Variants in CNKSR3 observed in about 807,000 individuals in gnomAD.
CNKSR3 encodes the protein connector enhancer of kinase suppressor of ras 3.
CNKSR3 carries 36 observed loss-of-function variants against 67.7 expected under a neutral mutation model. The observed-to-expected ratio is 0.53, with a 90% CI of 0.41 to 0.70. The LOEUF (loss-of-function observed/expected upper bound fraction) is 0.70, where lower values mean the gene tolerates loss of function less well. Ranked by LOEUF, CNKSR3 falls within the 30% of genes least tolerant of loss-of-function variation. The pLI is 0.00. For missense variants in CNKSR3, 630 were observed against 695.2 expected (o/e 0.91, Z 1.05); for synonymous variants, 281 against 271.4 (o/e 1.04, Z -0.35).
At position 154,403,422 on chromosome 6, in the gene CNKSR3, A is replaced by AAC. The variant is rs1784737708; in HGVS notation, c.*2931_*2932insGT. On this transcript the variant is annotated 3_prime_UTR_variant, in exon 13 of 13. Coordinates refer to ENST00000607772, the MANE Select transcript of CNKSR3 (RefSeq NM_173515.4). ...GAATCTGTCTCAGAAAAAAAAAAAA[A>AAC]TTTTTTTTAAAGAAATAAAAATAAA... The AAC allele has an allele frequency of 6.7e-6, 1 of 150,060 alleles. No individual in the cohort carries two copies. Among genetic ancestry groups the AAC allele is most frequent in the East Asian group, 2.0e-4 (1 of 5,120 alleles). 9.3% of individuals were successfully genotyped at this position (150,060 alleles called of 1,614,324 possible).
At chr6:154,489,048 G>GA (rs1333693221) in intron 1 of CNKSR3, among the ~76,000 whole-genome samples, 1 of 151,894 alleles carries the variant, frequency 6.6e-6, no homozygotes, top group African/African-American at 2.4e-5. Flanking sequence ...TGGGTTTTGA[G>GA]TTTTTTTTCA....
chr6:154,451,351 G>C lies in CNKSR3; in HGVS notation c.53-1093C>G, dbSNP rs558862080. Among the ~76,000 whole-genome samples the C allele has an allele frequency of 6.6e-5, 10 of 152,304 alleles. No homozygotes were observed. The East Asian group carries it at 1.9e-3, about 29-fold the overall frequency. On this transcript the variant is annotated intron_variant, in intron 1 of 12. Coordinates refer to ENST00000607772, the MANE Select transcript of CNKSR3 (RefSeq NM_173515.4). ...TAAAAGTCACCTTAGTGTTTTAAAA[G>C]ACTTAGTGATTTAAAAGTGTTTTAA...
chr6:154,395,375 C>A lies in CNKSR3; in HGVS notation c.*10979G>T, dbSNP rs750964486. 6.6e-6 allele frequency: 1 copy of A among 152,176 alleles called. No homozygotes were observed. The highest frequency in any genetic ancestry group is 1.5e-5 in the Non-Finnish European group (1 of 68,030). 9.4% of individuals were successfully genotyped at this position (152,176 alleles called of 1,614,324 possible). Reference sequence around the variant, plus strand: ...TCCATTGCTGTTTACAAAGGAGACTCTGTATTTAACCACCCAGGATCTCTT... The same window carrying A: ...TCCATTGCTGTTTACAAAGGAGACTATGTATTTAACCACCCAGGATCTCTT... On this transcript the variant is annotated 3_prime_UTR_variant, in exon 13 of 13. Transcript: ENST00000607772.
At chr6:154,433,755 C>T in intron 4 of CNKSR3, 1 of 389,054 alleles carries the variant, frequency 2.6e-6, no homozygotes, top group Non-Finnish European at 4.6e-6. Flanking sequence ...CCCACTTGGC[C>T]AATTACTTAA....
chr6:154,456,000 AAAAAAACAAAC>A (rs1246282118), intron 1 of CNKSR3, among the ~76,000 whole-genome samples: 2 of 152,152 alleles, frequency 1.3e-5, no homozygotes, highest in African/African-American at 4.8e-5. Context: ...CCCAATGCAA[AAAAAAACAAAC>A]AAAAAACAAA....
intron 8 of CNKSR3, 112 bp downstream of exon 8, chr6:154,422,803 A>C (rs896415415): frequency 8.6e-7 from 1 of 1,158,764 alleles, no homozygotes; most frequent in Non-Finnish European, 1.3e-6. Context: ...GCACAACCTA[A>C]AATAATGAAA....
chr6:154,389,210 T>C lies in CNKSR3; in HGVS notation c.*17144A>G, dbSNP rs925248266. ...TTCGCCTATGTTTTCTTCTAGGAGTTTTACAGCTTCAGATTTTATGTTTAA... is the reference window on the plus strand; with the variant it reads ...TTCGCCTATGTTTTCTTCTAGGAGTCTTACAGCTTCAGATTTTATGTTTAA... On this transcript the variant is annotated 3_prime_UTR_variant, in exon 13 of 13. Transcript: ENST00000607772. 6.6e-6 allele frequency: 1 copy of C among 152,190 alleles called. No homozygotes were observed. The highest frequency in any genetic ancestry group is 2.4e-5 in the African/African-American group (1 of 41,452). 9.4% of individuals were successfully genotyped at this position (152,190 alleles called of 1,614,324 possible). A position where few individuals can be genotyped will look rare whatever the true frequency, so the allele number is the denominator to read the frequency against.
At chr6:154,416,446 A>T (rs1354469985) in intron 9 of CNKSR3, among the ~76,000 whole-genome samples, 1 of 152,240 alleles carries the variant, frequency 6.6e-6, no homozygotes, top group East Asian at 1.9e-4. Context: ...ATTTCGGACC[A>T]TATCTGAAAA....
chr6:154,453,532 C>G (rs750011175), intron 1 of CNKSR3, among the ~76,000 whole-genome samples: 1 of 152,162 alleles, frequency 6.6e-6, no homozygotes. Context: ...AGAAAAATCA[C>G]GTTACTGCCC....
intron 1 of CNKSR3, among the ~76,000 whole-genome samples, chr6:154,484,102 G>A (rs574904218): frequency 6.6e-6 from 1 of 152,258 alleles, no homozygotes; most frequent in East Asian, 1.9e-4. Context: ...TCTAGGTCCT[G>A]CCACTTAAAT....
At chr6:154,452,985 A>G (rs1785871193) in intron 1 of CNKSR3, among the ~76,000 whole-genome samples, 1 of 152,192 alleles carries the variant, frequency 6.6e-6, no homozygotes. Context: ...GAAGCAACAT[A>G]ATACAAATAC....
Position 154,390,772 on chromosome 6 carries a change from G to T in CNKSR3, c.*15582C>A. On this transcript the variant is annotated 3_prime_UTR_variant, in exon 13 of 13. Transcript: ENST00000607772. ...CTGCAGGTGGAAGACTGATCAAGGT[G>T]TCAGCAGCACTGGTTTCTTCTGAGG... The T allele has an allele frequency of 6.7e-6, 1 of 148,264 alleles. No individual in the cohort carries two copies. The highest frequency in any genetic ancestry group is 1.5e-5 in the Non-Finnish European group (1 of 67,626). The allele number at this position is 148,264 out of a possible 1,614,324, so 9.2% of individuals were successfully genotyped here.
intron 1 of CNKSR3, among the ~76,000 whole-genome samples, chr6:154,453,262 A>G (rs1785876680): frequency 6.6e-6 from 1 of 152,254 alleles, no homozygotes; most frequent in African/African-American, 2.4e-5. Flanking sequence ...TAACGAACCG[A>G]AAAATTCACA....
intron 1 of CNKSR3, among the ~76,000 whole-genome samples, chr6:154,492,808 C>T (rs72999370): frequency 0.089 from 13,499 of 151,812 alleles, 618 homozygotes; most frequent in African/African-American, 0.11. Context: ...CCTGCTTCTC[C>T]CACCTCTCAG....
chr6:154,450,042 G>C, intron 2 of CNKSR3, 53 bp downstream of exon 2: 1 of 1,533,338 alleles, frequency 6.5e-7, no homozygotes, highest in Non-Finnish European at 8.9e-7. Flanking sequence ...GCTTAAGAGA[G>C]CAAGGCTCTA....
chr6:154,493,809 T>G (rs2351132), intron 1 of CNKSR3, among the ~76,000 whole-genome samples: 63,315 of 151,626 alleles, frequency 0.42, 13,931 homozygotes, highest in African/African-American at 0.58. Flanking sequence ...ATCAGATCTC[T>G]TGAGAACTCA....
chr6:154,416,109 C>T (rs918981424), intron 9 of CNKSR3, among the ~76,000 whole-genome samples: 1 of 152,110 alleles, frequency 6.6e-6, no homozygotes, highest in Non-Finnish European at 1.5e-5. Flanking sequence ...AATGAAGCCC[C>T]GTCTCTACCA....
Position 154,391,311 on chromosome 6 carries a change from G to T in CNKSR3, c.*15043C>A, listed in dbSNP as rs975997885. The T allele has an allele frequency of 6.6e-6, 1 of 152,160 alleles. No homozygotes were observed. The highest frequency in any genetic ancestry group is 1.5e-5 in the Non-Finnish European group (1 of 68,068). The allele number at this position is 152,160 out of a possible 1,614,324, so 9.4% of individuals were successfully genotyped here. On this transcript the variant is annotated 3_prime_UTR_variant, in exon 13 of 13. Coordinates refer to ENST00000607772, the MANE Select transcript of CNKSR3 (RefSeq NM_173515.4). ...TGCAGTGGCACAATCTCGGCTCACT[G>T]CAAGCTCCACCTCCTGGGTTCACAC...
At chr6:154,479,418 T>C (rs1002925574) in intron 1 of CNKSR3, among the ~76,000 whole-genome samples, 8 of 152,142 alleles carry the variant, frequency 5.3e-5, no homozygotes, top group African/African-American at 1.9e-4. Context: ...CGCTGACAGC[T>C]GGCCCTCCTC....
Sources: gnomAD v4.1 joint callset for allele counts (sites outside exome capture counted in the v4.1 genomes callset) on GRCh38, gnomAD v4.1.1 for gene constraint, MANE v1.5 for transcripts, NCBI Gene and HGNC (gene_info 2026-07-23, HGNC 2026-07-21) for gene names.